CLSTN1: variants seen among roughly 807,000 people sequenced by gnomAD.
The protein encoded by CLSTN1 is calsyntenin-1.
A neutral mutation model predicts 108.3 loss-of-function variants in CLSTN1; 28 were observed. The ratio of observed to expected loss-of-function variants is 0.26; its 90% CI spans 0.19 to 0.35. The LOEUF (loss-of-function observed/expected upper bound fraction) is 0.35, where lower values mean the gene tolerates loss of function less well. CLSTN1 is among the 10% of genes least tolerant of loss of function. The pLI is 1.00. For missense variants in CLSTN1, 1,157 were observed against 1,302.6 expected (o/e 0.89, Z 1.72); for synonymous variants, 524 against 534.9 (o/e 0.98, Z 0.28).
chr1:9,768,410 A>AT (rs1192919225), intron 2 of CLSTN1, among the ~76,000 whole-genome samples: 2 of 41,482 alleles, frequency 4.8e-5, no homozygotes, highest in African/African-American at 1.5e-4. Context: ...GTTGGGCGGC[A>AT]CCGGGGGGCG....
At chr1:9,810,118 A>AAGGGAGAAGGCAGGG (rs1654676091) in intron 1 of CLSTN1, among the ~76,000 whole-genome samples, 2 of 422 alleles carry the variant, frequency 4.7e-3, no homozygotes, top group Non-Finnish European at 0.011. Context: ...AGAGGGAAGG[A>AAGGGAGAAGGCAGGG]AGGAAGGGAG....
intron 1 of CLSTN1, among the ~76,000 whole-genome samples, chr1:9,792,518 C>G (rs910580973): frequency 1.3e-5 from 2 of 151,432 alleles, no homozygotes; most frequent in Non-Finnish European, 2.9e-5. Flanking sequence ...AGGGGTCTCC[C>G]TCATGATTGG....
At chr1:9,750,691 G>A (rs1348233876) in intron 5 of CLSTN1, among the ~76,000 whole-genome samples, 22 of 128,534 alleles carry the variant, frequency 1.7e-4, no homozygotes, top group African/African-American at 7.3e-4. Flanking sequence ...CAGCCTGGGC[G>A]ACAGAGCAAG....
At chr1:9,796,882 G>A (rs1330656713) in intron 1 of CLSTN1, among the ~76,000 whole-genome samples, 4 of 152,178 alleles carry the variant, frequency 2.6e-5, no homozygotes, top group African/African-American at 9.7e-5. Flanking sequence ...CAGATGGAAT[G>A]TGGAGTCAGG....
intron 1 of CLSTN1, among the ~76,000 whole-genome samples, chr1:9,821,352 C>T (rs1304618745): frequency 2.0e-5 from 3 of 152,184 alleles, no homozygotes; most frequent in Non-Finnish European, 2.9e-5. Flanking sequence ...AGGCTGGTCT[C>T]GAACTCCTGA....
chr1:9,774,578 AT>A (rs1207199690), intron 1 of CLSTN1, among the ~76,000 whole-genome samples: 51 of 151,972 alleles, frequency 3.4e-4, no homozygotes, highest in African/African-American at 1.1e-3. Flanking sequence ...AAAAAAAAAA[AT>A]AATCCACTTT....
chr1:9,753,604 G>A (rs551897176), intron 4 of CLSTN1, among the ~76,000 whole-genome samples: 22 of 151,792 alleles, frequency 1.4e-4, no homozygotes, highest in African/African-American at 5.1e-4. Context: ...TGATTCTCCT[G>A]CCTCAGCCTC....
chr1:9,750,709 C>A, intron 5 of CLSTN1, among the ~76,000 whole-genome samples: 1 of 95,142 alleles, frequency 1.1e-5, no homozygotes, highest in South Asian at 4.0e-4. Flanking sequence ...AAGACCTTCC[C>A]TCAAACAAAA....
chr1:9,798,933 C>A (rs1342056907), intron 1 of CLSTN1, among the ~76,000 whole-genome samples: 2 of 152,160 alleles, frequency 1.3e-5, no homozygotes, highest in Non-Finnish European at 2.9e-5. Context: ...AATCCCAGCA[C>A]ACTTTGGGAG....
intron 2 of CLSTN1, among the ~76,000 whole-genome samples, chr1:9,772,599 A>G (rs1423383874): frequency 1.3e-5 from 2 of 152,210 alleles, no homozygotes; most frequent in East Asian, 1.9e-4. Context: ...TAAGGACCCA[A>G]CGTGAAGCCA....
chr1:9,781,235 A>T, intron 1 of CLSTN1: 1 of 766,960 alleles, frequency 1.3e-6, no homozygotes, highest in Admixed American at 2.1e-5. Context: ...AAATATGACA[A>T]GCTGATTTTC....
chr1:9,749,900 GT>G lies in CLSTN1; in HGVS notation c.662del (p.Asn221ThrfsTer5). On this transcript the variant is annotated frameshift_variant, in exon 6 of 19. Coordinates refer to ENST00000377298, the MANE Select transcript of CLSTN1 (RefSeq NM_001009566.3). LOFTEE classifies it high-confidence loss of function. ...CTTTCCCGTAGTTTAATTTCTCTGT[GT>G]TTTTTATATAACCTTACAGAGGGCA... The part of the protein sequence containing the change: ...FTVDKDGYIK[N>X]TEKLNYGKEH... 6.2e-7 allele frequency: 1 copy of G among 1,613,780 alleles called. No individual in the cohort carries two copies. The highest frequency in any genetic ancestry group is 8.5e-7 in the Non-Finnish European group (1 of 1,179,862).
chr1:9,778,784 G>A lies in CLSTN1; in HGVS notation c.92-5390C>T, dbSNP rs150591450. The stretch of plus-strand genomic sequence containing the variant: ...AATCTTAGCACTTTGGGAGGCCAAG[G>A]CGGGTGGATCACCTGAGGTCAGGAG... On this transcript the variant is annotated intron_variant, in intron 1 of 18. Transcript: ENST00000377298. Among the ~76,000 whole-genome samples, 131 of 152,198 alleles carry A rather than the reference G, an allele frequency of 8.6e-4. 1 individual carries two copies. The highest frequency in any genetic ancestry group is 3.1e-3 in the African/African-American group (128 of 41,542).
In CLSTN1 at chr1:9,730,326, C is replaced by A; in HGVS notation, c.*182G>T. The A allele has an allele frequency of 1.5e-6, 1 of 661,748 alleles. No homozygotes were observed. Among genetic ancestry groups the A allele is most frequent in the Non-Finnish European group, 2.7e-6 (1 of 370,850 alleles). 41.0% of individuals were successfully genotyped at this position (661,748 alleles called of 1,614,324 possible). A position where few individuals can be genotyped will look rare whatever the true frequency, so the allele number is the denominator to read the frequency against. Reference sequence around the variant, plus strand: ...TCCTCGTGGGACTGAAGAGCGCGACCAGGCAGAGGGTGGGCGGGGAGCCTA... The same window carrying A: ...TCCTCGTGGGACTGAAGAGCGCGACAAGGCAGAGGGTGGGCGGGGAGCCTA... On this transcript the variant is annotated 3_prime_UTR_variant, in exon 19 of 19. Coordinates refer to ENST00000377298, the MANE Select transcript of CLSTN1 (RefSeq NM_001009566.3). The surrounding 1 kb of genome is among the most constrained non-coding windows in gnomAD (Gnocchi z 5.6).
rs1163995884 is a variant in CLSTN1, at chr1:9,785,887, A to C, written c.92-12493T>G. Among the ~76,000 whole-genome samples the C allele has an allele frequency of 3.3e-5, 5 of 152,062 alleles. No individual in the cohort carries two copies. The East Asian group carries it at 9.7e-4, about 29-fold the overall frequency. ...TGAAGTTAATTTTTAAAATAAAAAC[A>C]CATTAAGGCCGGGCACGGTAGGTCA... On this transcript the variant is annotated intron_variant, in intron 1 of 18. Coordinates refer to ENST00000377298, the MANE Select transcript of CLSTN1 (RefSeq NM_001009566.3).
intron 1 of CLSTN1, among the ~76,000 whole-genome samples, chr1:9,812,849 A>C (rs572517848): frequency 0.014 from 1,750 of 124,868 alleles, 7 homozygotes; most frequent in Non-Finnish European, 0.022. Flanking sequence ...ACTCTATCTC[A>C]AAAAAAAAAA....
At chr1:9,755,792 TTC>T (rs1186849415) in intron 3 of CLSTN1, among the ~76,000 whole-genome samples, 5 of 43,490 alleles carry the variant, frequency 1.1e-4, no homozygotes, top group Non-Finnish European at 2.1e-4. Context: ...ATTACAGAAA[TTC>T]TGTCAAAAAA....
chr1:9,791,190 G>A (rs1217597347), intron 1 of CLSTN1, among the ~76,000 whole-genome samples: 2 of 150,340 alleles, frequency 1.3e-5, no homozygotes, highest in African/African-American at 4.9e-5. Context: ...TGTTAAACCT[G>A]GCTTAAATAT....
chr1:9,823,670 A>C lies in CLSTN1; in HGVS notation c.64T>G (p.Cys22Gly). Reference protein sequence around the residue: ...AARLLLAGLLCGGGVWAARVN... With the variant: ...AARLLLAGLLGGGGVWAARVN... ...CGCGCGGCCCAGACCCCGCCGCCGC[A>C]CAGCAGCCCGGCCAGCAGCAGCCGG... is the stretch of plus-strand genomic sequence containing the variant. Residue 22 changes from cysteine (C) to glycine (G), a missense_variant, in exon 1 of 19, where the codon TGC becomes GGC. Coordinates refer to ENST00000377298, the MANE Select transcript of CLSTN1 (RefSeq NM_001009566.3). This position sits in a 1 kb window ranked among gnomAD's most constrained non-coding sequence, Gnocchi z 6.3. 1 of 1,176,176 alleles carries C rather than the reference A, an allele frequency of 8.5e-7. No homozygotes were observed. The highest frequency in any genetic ancestry group is 1.1e-6 in the Non-Finnish European group (1 of 951,212). 72.9% of individuals were successfully genotyped at this position (1,176,176 alleles called of 1,614,324 possible). A position where few individuals can be genotyped will look rare whatever the true frequency, so the allele number is the denominator to read the frequency against.
Sources: gnomAD v4.1 joint callset for allele counts (sites outside exome capture counted in the v4.1 genomes callset) on GRCh38, gnomAD v4.1.1 for gene constraint, Gnocchi (gnomAD v3.1) non-coding constraint, MANE v1.5 for transcripts, NCBI Gene and HGNC (gene_info 2026-07-23, HGNC 2026-07-21) for gene names.